Variants in ARL15 observed in about 807,000 individuals in gnomAD.
The protein encoded by ARL15 is ARF like GTPase 15.
ARL15 carries 19 observed loss-of-function variants against 25.2 expected under a neutral mutation model. The observed-to-expected ratio is 0.75, with a 90% CI of 0.53 to 1.10. The LOEUF (loss-of-function observed/expected upper bound fraction) is 1.10. Ranked by LOEUF, ARL15 falls within the 50% of genes least tolerant of loss-of-function variation. ARL15 has a pLI of 0.00. For synonymous variants in ARL15, 94 were observed against 86.8 expected (o/e 1.08, Z -0.46); for missense variants, 220 against 246.0 (o/e 0.89, Z 0.71).
intron 2 of ARL15, among the ~76,000 whole-genome samples, chr5:54,155,353 A>G (rs1754196254): frequency 6.6e-6 from 1 of 152,144 alleles, no homozygotes; most frequent in South Asian, 2.1e-4. Flanking sequence ...ATGTCTTATA[A>G]TTCTTTCTCA....
intron 4 of ARL15, among the ~76,000 whole-genome samples, chr5:53,900,943 G>A (rs1033118455): frequency 2.0e-5 from 3 of 152,192 alleles, no homozygotes; most frequent in African/African-American, 4.8e-5. Context: ...GGACACTTAT[G>A]TTTTGAGCTA....
chr5:54,143,067 T>C (rs1169031534), intron 3 of ARL15, among the ~76,000 whole-genome samples: 2 of 152,168 alleles, frequency 1.3e-5, no homozygotes, highest in Non-Finnish European at 2.9e-5. Flanking sequence ...ATATGGATAA[T>C]TCAAAGAACA....
chr5:54,278,434 T>C (rs1258871587), intron 1 of ARL15, among the ~76,000 whole-genome samples: 5 of 152,174 alleles, frequency 3.3e-5, no homozygotes, highest in African/African-American at 9.7e-5. Context: ...CAAATGAATG[T>C]TGCTTAAGAT....
intron 3 of ARL15, among the ~76,000 whole-genome samples, chr5:54,137,532 C>T (rs1329487165): frequency 6.6e-6 from 1 of 152,150 alleles, no homozygotes; most frequent in East Asian, 1.9e-4. Flanking sequence ...CTCTGCCAAT[C>T]AAGGTTAATA....
chr5:54,156,153 C>T (rs922251661), intron 2 of ARL15, among the ~76,000 whole-genome samples: 1 of 152,110 alleles, frequency 6.6e-6, no homozygotes, highest in Non-Finnish European at 1.5e-5. Context: ...CTATCTTTTG[C>T]ACTTCTTTGC....
chr5:53,936,317 C>T (rs149648327), intron 4 of ARL15, among the ~76,000 whole-genome samples: 255 of 152,228 alleles, frequency 1.7e-3, no homozygotes, highest in African/African-American at 5.9e-3. Context: ...TGATTTTGCC[C>T]GCCTCACAGT....
At chr5:54,202,838 T>C (rs1202476726) in intron 1 of ARL15, among the ~76,000 whole-genome samples, 1 of 151,800 alleles carries the variant, frequency 6.6e-6, no homozygotes, top group South Asian at 2.1e-4. Context: ...AGTCAAATTA[T>C]TATCTGAAAT....
At chr5:54,016,379 G>A (rs1283478905) in intron 4 of ARL15, among the ~76,000 whole-genome samples, 1 of 152,180 alleles carries the variant, frequency 6.6e-6, no homozygotes, top group Non-Finnish European at 1.5e-5. Context: ...GTGCAGGACA[G>A]GTTCCTCTTG....
chr5:54,194,538 TTCAAA>T, intron 1 of ARL15, among the ~76,000 whole-genome samples: 1 of 152,150 alleles, frequency 6.6e-6, no homozygotes, highest in South Asian at 2.1e-4. Context: ...AGAAACACAA[TTCAAA>T]TGAAGCATGT....
chr5:53,959,761 T>A (rs1020742175), intron 4 of ARL15, among the ~76,000 whole-genome samples: 2 of 152,162 alleles, frequency 1.3e-5, no homozygotes, highest in Admixed American at 6.6e-5. Flanking sequence ...TCATCCAACG[T>A]TGCATTCCTC....
At chr5:53,908,667 C>A (rs968384449) in intron 4 of ARL15, among the ~76,000 whole-genome samples, 9 of 152,206 alleles carry the variant, frequency 5.9e-5, no homozygotes, top group African/African-American at 2.2e-4. Context: ...AAGGGGTGAT[C>A]CACTTGTATT....
chr5:53,938,458 C>A lies in ARL15; in HGVS notation c.463-51745G>T, dbSNP rs566762429. ...TCTGCACTCATTGTCTTACCAATAA[C>A]CTTTTCAGTATTTTGCATACATCAA... On this transcript the variant is annotated intron_variant, in intron 4 of 4. Transcript: ENST00000504924. Among the ~76,000 whole-genome samples the A allele has an allele frequency of 2.6e-5, 4 of 152,340 alleles. No individual in the cohort carries two copies. In the South Asian group the frequency reaches 8.3e-4, roughly 32 times the overall value.
chr5:54,121,625 C>A (rs1370368310), intron 3 of ARL15, among the ~76,000 whole-genome samples: 1 of 152,176 alleles, frequency 6.6e-6, no homozygotes. Flanking sequence ...GAATTCAGTA[C>A]ACAATTTTCC....
chr5:53,935,128 A>G (rs1746313226), intron 4 of ARL15, among the ~76,000 whole-genome samples: 1 of 152,256 alleles, frequency 6.6e-6, no homozygotes, highest in Non-Finnish European at 1.5e-5. Context: ...GTAGTCTCAG[A>G]GTAAATAATG....
chr5:54,136,776 C>T (rs1753617490), intron 3 of ARL15, among the ~76,000 whole-genome samples: 1 of 151,948 alleles, frequency 6.6e-6, no homozygotes, highest in Non-Finnish European at 1.5e-5. Context: ...GAGAGTTTTG[C>T]TGTTTATATC....
chr5:54,106,553 C>T (rs1413078440), intron 4 of ARL15, among the ~76,000 whole-genome samples: 3 of 152,036 alleles, frequency 2.0e-5, no homozygotes, highest in African/African-American at 7.2e-5. Flanking sequence ...CACATCCTCC[C>T]ATATACTTTA....
At chr5:54,075,197 T>G (rs1751557928) in intron 4 of ARL15, among the ~76,000 whole-genome samples, 1 of 151,852 alleles carries the variant, frequency 6.6e-6, no homozygotes, top group Admixed American at 6.6e-5. Flanking sequence ...AAATGAATGT[T>G]CATGATCTTT....
intron 1 of ARL15, among the ~76,000 whole-genome samples, chr5:54,201,593 C>G (rs534109347): frequency 8.2e-4 from 125 of 152,162 alleles, no homozygotes; most frequent in African/African-American, 3.0e-3. Flanking sequence ...GCCAGAGTCC[C>G]CCTTACCCCT....
At chr5:54,231,829 G>C (rs1756679542) in intron 1 of ARL15, among the ~76,000 whole-genome samples, 2 of 151,998 alleles carry the variant, frequency 1.3e-5, no homozygotes, top group African/African-American at 4.8e-5. Flanking sequence ...ATCAGATTAG[G>C]GCCCCACTTT....
Sources: allele counts gnomAD v4.1 joint callset (sites outside exome capture counted in the v4.1 genomes callset), GRCh38; gene constraint gnomAD v4.1.1; transcripts MANE v1.5; gene names NCBI Gene and HGNC (gene_info 2026-07-23, HGNC 2026-07-21).